The following GCLC variants were observed in gnomAD, a reference collection of about 807,000 sequenced individuals.
GCLC encodes glutamate-cysteine ligase catalytic subunit.
A neutral mutation model predicts 81.5 loss-of-function variants in GCLC; 30 were observed. That is an observed-to-expected ratio of 0.37 (90% CI 0.28 to 0.50). The LOEUF (loss-of-function observed/expected upper bound fraction) is 0.50. GCLC is among the 20% of genes least tolerant of loss of function. GCLC has a pLI of 0.96. For missense variants in GCLC, 556 were observed against 777.4 expected (o/e 0.72, Z 3.39); for synonymous variants, 262 against 273.3 (o/e 0.96, Z 0.41).
At chr6:53,505,559 C>A in intron 11 of GCLC, 63 bp from the exon 12 acceptor site, 1 of 888,692 alleles carries the variant, frequency 1.1e-6, no homozygotes, top group South Asian at 1.3e-5. Context: ...TTCCCTGACC[C>A]AGGCCCTTCC....
chr6:53,520,952 G>C lies in GCLC; in HGVS notation c.272C>G (p.Thr91Ser). Reference sequence around the variant, plus strand: ...ACTCCCATACTCTGGTCTCCAAAGGGTAGGATGGCTACGGAGGAGAAATAA... The same window carrying C: ...ACTCCCATACTCTGGTCTCCAAAGGCTAGGATGGCTACGGAGGAGAAATAA... ...KGERTNPNHPTLWRPEYGSYM... is the reference protein window; with the variant it reads ...KGERTNPNHPSLWRPEYGSYM... Residue 91 changes from threonine (T) to serine (S), a missense_variant, in exon 3 of 16, where the codon ACC becomes AGC. This residue lies in a region of GCLC where 234 missense variants were observed against 303.8 expected (regional missense o/e 0.77). Coordinates refer to ENST00000650454, the MANE Select transcript of GCLC (RefSeq NM_001498.4). 6.2e-7 allele frequency: 1 copy of C among 1,612,154 alleles called. No individual in the cohort carries two copies. Among genetic ancestry groups the C allele is most frequent in the East Asian group, 2.2e-5 (1 of 44,882 alleles).
At position 53,522,425 on chromosome 6, in the gene GCLC, T is replaced by C. The variant is rs1561946272; in HGVS notation, c.253A>G (p.Thr85Ala). 5.6e-6 allele frequency: 9 copies of C among 1,597,124 alleles called. No homozygotes were observed. Among genetic ancestry groups the C allele is most frequent in the Non-Finnish European group, 7.7e-6 (9 of 1,164,364 alleles). The change falls in exon 2 of 16, where the codon ACA becomes GCA. Residue 85 changes from threonine (T) to alanine (A), a missense_variant. Physicochemically the swap from Thr to Ala is moderately conservative, Grantham distance 58. Around this residue, in one of 3 missense-constraint regions of GCLC, gnomAD observed 234 missense variants for 303.8 expected, o/e 0.77. Coordinates refer to ENST00000650454, the MANE Select transcript of GCLC (RefSeq NM_001498.4). ...LETLQEKGER[T>A]NPNHPTLWRP... is the part of the protein sequence containing the mutation. ...CACATGAGAGCTTACTTTGGGTTTG[T>C]CCTTTCCCCCTTCTCTTGCAGAGTT...
Position 53,498,973 on chromosome 6 carries a change from G to A in GCLC, c.1703-6C>T. Reference sequence around the variant, plus strand: ...GGCAACTGTCATTAGTTCTCCTGTGGGCGAGGGGGGAGCGAAAAAAAAATT... The same window carrying A: ...GGCAACTGTCATTAGTTCTCCTGTGAGCGAGGGGGGAGCGAAAAAAAAATT... On this transcript the variant is annotated splice_region_variant and splice_polypyrimidine_tract_variant and intron_variant, in intron 15 of 15. Transcript: ENST00000650454. 1 of 1,599,222 alleles carries A rather than the reference G, an allele frequency of 6.3e-7. No homozygotes were observed. The highest frequency in any genetic ancestry group is 8.6e-7 in the Non-Finnish European group (1 of 1,167,126).
At chr6:53,534,325 A>G (rs1381097802) in intron 1 of GCLC, among the ~76,000 whole-genome samples, 5 of 152,156 alleles carry the variant, frequency 3.3e-5, no homozygotes. Context: ...GGGTGCTGGC[A>G]AGTATCTTAT....
chr6:53,519,052 A>C (rs1001366071), intron 3 of GCLC, among the ~76,000 whole-genome samples: 2 of 152,136 alleles, frequency 1.3e-5, no homozygotes, highest in Non-Finnish European at 2.9e-5. Flanking sequence ...CCTCCTAGTA[A>C]GCCCTGGCAC....
chr6:53,525,922 C>T (rs1555907), intron 1 of GCLC, among the ~76,000 whole-genome samples: 45,475 of 151,990 alleles, frequency 0.3, 7,115 homozygotes, highest in Admixed American at 0.44. Context: ...CCTGACCACT[C>T]TGCAAGACAT....
chr6:53,510,476 C>T (rs1764715960), intron 6 of GCLC: 1 of 149,242 alleles, frequency 6.7e-6, no homozygotes, highest in East Asian at 2.0e-4. Context: ...CTTTTTTTTC[C>T]AAGACGGTAG....
At chr6:53,518,354 G>A (rs1762922809) in intron 3 of GCLC, among the ~76,000 whole-genome samples, 1 of 152,158 alleles carries the variant, frequency 6.6e-6, no homozygotes, top group South Asian at 2.1e-4. Flanking sequence ...AGGTTCAAGC[G>A]GTTCTCCTGC....
intron 4 of GCLC, 110 bp downstream of exon 4, chr6:53,515,999 G>C: frequency 2.8e-6 from 2 of 723,252 alleles, no homozygotes; most frequent in Non-Finnish European, 5.0e-6. Flanking sequence ...TAGGAAGAGA[G>C]CCAAAACTCA....
At chr6:53,524,488 G>A (rs539507321) in intron 1 of GCLC, among the ~76,000 whole-genome samples, 1 of 152,316 alleles carries the variant, frequency 6.6e-6, no homozygotes, top group East Asian at 1.9e-4. Flanking sequence ...AAGCTGGGCT[G>A]TAACAATAGT....
chr6:53,502,662 CTT>C (rs1764535016), intron 12 of GCLC, among the ~76,000 whole-genome samples: 1 of 152,338 alleles, frequency 6.6e-6, no homozygotes, highest in African/African-American at 2.4e-5. Context: ...CTATGCAGCT[CTT>C]GTCGGCATCT....
intron 6 of GCLC, chr6:53,513,822 A>C: frequency 4.3e-6 from 1 of 231,642 alleles, no homozygotes. Flanking sequence ...TACTTCCATC[A>C]GAGCTCATTT....
At chr6:53,520,707 G>C in intron 3 of GCLC, 71 bp downstream of exon 3, 1 of 1,257,160 alleles carries the variant, frequency 8.0e-7, no homozygotes. Flanking sequence ...GAATGCCCGG[G>C]TCGTGACTTG....
rs750606008 is a variant in GCLC, at chr6:53,514,251, T to C, written c.706A>G (p.Ile236Val). 4 of 1,613,648 alleles carry C rather than the reference T, an allele frequency of 2.5e-6. No homozygotes were observed. Among genetic ancestry groups the C allele is most frequent in the East Asian group, 4.5e-5 (2 of 44,872 alleles). Residue 236 changes from isoleucine (I) to valine (V), a missense_variant, in exon 6 of 16, where the codon ATT (isoleucine) becomes GTT (valine). Coordinates refer to ENST00000650454, the MANE Select transcript of GCLC (RefSeq NM_001498.4). ...EASRASKPDH[I>V]YMDAMGFGMG... ...CCAAATCCCATGGCATCCATGTAAA[T>C]ATGATCCGGCTTAGAAGCCCTTGAA...
chr6:53,538,136 C>CTTTTTTTTTTT (rs10588842), intron 1 of GCLC, among the ~76,000 whole-genome samples: 14 of 78,904 alleles, frequency 1.8e-4, no homozygotes, highest in Non-Finnish European at 3.0e-4. Flanking sequence ...TTTTTCTTTC[C>CTTTTTTTTTTT]TTTTTTTTTT....
chr6:53,544,960 C>T lies in GCLC; in HGVS notation c.-315G>A. ...TCCTCCTCCCGCTCCGATGCGGCGGCGGCGGACCCCACGGCCGCGCTGCCG... is the reference window on the plus strand; with the variant it reads ...TCCTCCTCCCGCTCCGATGCGGCGGTGGCGGACCCCACGGCCGCGCTGCCG... On this transcript the variant is annotated 5_prime_UTR_variant, in exon 1 of 16. Transcript: ENST00000650454. 1 of 207,490 alleles carries T rather than the reference C, an allele frequency of 4.8e-6. No individual in the cohort carries two copies. Among genetic ancestry groups the T allele is most frequent in the Non-Finnish European group, 9.5e-6 (1 of 104,736 alleles). The allele number at this position is 207,490 out of a possible 1,614,324, so 12.9% of individuals were successfully genotyped here.
chr6:53,543,772 G>C (rs1041724208), intron 1 of GCLC, among the ~76,000 whole-genome samples: 1 of 152,122 alleles, frequency 6.6e-6, no homozygotes, highest in African/African-American at 2.4e-5. Context: ...TGAGAATCTA[G>C]AGACATTTCA....
Position 53,520,934 on chromosome 6 carries a change from T to A in GCLC, c.290A>T (p.Tyr97Phe). The A allele has an allele frequency of 6.2e-7, 1 of 1,613,742 alleles. No individual in the cohort carries two copies. The highest frequency in any genetic ancestry group is 8.5e-7 in the Non-Finnish European group (1 of 1,179,594). The change falls in exon 3 of 16, where the codon TAT becomes TTT. Residue 97 changes from tyrosine to phenylalanine, a missense_variant. Physicochemically the swap from Tyr to Phe is conservative, Grantham distance 22 (BLOSUM62 3). Around this residue, in one of 3 missense-constraint regions of GCLC, gnomAD observed 234 missense variants for 303.8 expected, o/e 0.77. Coordinates refer to ENST00000650454, the MANE Select transcript of GCLC (RefSeq NM_001498.4). ...TGTCCCTTCAATCATGTAACTCCCA[T>A]ACTCTGGTCTCCAAAGGGTAGGATG... ...PNHPTLWRPE[Y>F]GSYMIEGTPG...
intron 6 of GCLC, among the ~76,000 whole-genome samples, chr6:53,511,132 C>T (rs978769758): frequency 6.7e-6 from 1 of 148,944 alleles, no homozygotes; most frequent in Non-Finnish European, 1.5e-5. Context: ...ATTCTCTATC[C>T]CAAGTGCGCA....
Sources: allele counts gnomAD v4.1 joint callset (sites outside exome capture counted in the v4.1 genomes callset), GRCh38; gene constraint gnomAD v4.1.1; regional missense constraint gnomAD v4.1.1; transcripts MANE v1.5; gene names NCBI Gene and HGNC (gene_info 2026-07-23, HGNC 2026-07-21).